Variants in FAM117A observed in about 807,000 individuals in gnomAD.
FAM117A encodes family with sequence similarity 117 member A.
Under a neutral mutation model 44.1 loss-of-function variants are expected in FAM117A, and 21 were observed. The ratio of observed to expected loss-of-function variants is 0.48; its 90% confidence interval spans 0.34 to 0.69. The LOEUF (loss-of-function observed/expected upper bound fraction) is 0.69, where lower values mean the gene tolerates loss of function less well. FAM117A is among the 30% of genes least tolerant of loss of function. The probability of loss-of-function intolerance (pLI) is 0.01; values close to 1 mark genes in which losing one functional copy is unlikely to be tolerated. For synonymous variants in FAM117A, 220 were observed against 238.3 expected (o/e 0.92, Z 0.71); for missense variants, 498 against 589.9 (o/e 0.84, Z 1.61).
rs1194810292 is a variant in FAM117A, at chr17:49,780,988, GC to G, written c.-621+7508del. 5.9e-5 allele frequency among the ~76,000 whole-genome samples: 9 copies of G among 152,218 alleles called. No homozygotes were observed. In the East Asian group the frequency reaches 7.7e-4, roughly 13 times the overall value. On this transcript the variant is annotated intron_variant, in intron 1 of 7. Coordinates refer to the FAM117A transcript ENST00000513602. Reference sequence around the variant, plus strand: ...TGAGATTATAGGTGCCCACCACCATGCCCGGCTAATTTTTGTGCTTTTAGTA... The same window carrying G: ...TGAGATTATAGGTGCCCACCACCATGCCGGCTAATTTTTGTGCTTTTAGTA...
At chr17:49,735,459 C>T (rs1567830324) in intron 1 of FAM117A, among the ~76,000 whole-genome samples, 1 of 152,006 alleles carries the variant, frequency 6.6e-6, no homozygotes, top group Non-Finnish European at 1.5e-5. Flanking sequence ...ATACATTTTG[C>T]CATAGTTGTA....
At chr17:49,711,578 C>A (rs772625696) in intron 7 of FAM117A, 23 bp from the exon 8 acceptor site, 43 of 1,609,146 alleles carry the variant, frequency 2.7e-5, no homozygotes, top group Non-Finnish European at 3.6e-5. Context: ...GAGAGACACA[C>A]AAGACACATA....
chr17:49,716,403 G>A, intron 6 of FAM117A, 88 bp from the exon 7 acceptor site: 1 of 1,193,380 alleles, frequency 8.4e-7, no homozygotes, highest in Non-Finnish European at 1.1e-6. Context: ...AAGTGGCAAG[G>A]CTGGGGACAC....
chr17:49,755,038 C>CA (rs199709334), intron 1 of FAM117A, among the ~76,000 whole-genome samples: 733 of 42,156 alleles, frequency 0.017, 7 homozygotes, highest in South Asian at 0.039. Flanking sequence ...AACTCCGTCT[C>CA]AAAAAAAAAA....
intron 2 of FAM117A, among the ~76,000 whole-genome samples, chr17:49,723,199 A>C (rs1356835694): frequency 6.6e-6 from 1 of 151,760 alleles, no homozygotes; most frequent in Non-Finnish European, 1.5e-5. Context: ...CGCTGCAAAT[A>C]AGCAGGAAGG....
At chr17:49,720,003 G>A in intron 4 of FAM117A, 109 bp from the exon 5 acceptor site, 1 of 1,424,590 alleles carries the variant, frequency 7.0e-7, no homozygotes, top group Non-Finnish European at 9.3e-7. Flanking sequence ...CTGAGTGAAT[G>A]AAGGGTGATT....
intron 1 of FAM117A, among the ~76,000 whole-genome samples, chr17:49,734,331 A>G (rs1321398776): frequency 6.7e-6 from 1 of 149,142 alleles, no homozygotes. Flanking sequence ...AGTGGCTCAC[A>G]CCTGTAATCC....
intron 6 of FAM117A, 44 bp from the exon 7 acceptor site, chr17:49,716,359 G>C: frequency 2.8e-4 from 415 of 1,460,136 alleles, no homozygotes; most frequent in Non-Finnish European, 3.4e-4. Context: ...TGAAGGGAAG[G>C]CCTCCACTTT....
upstream of FAM117A, among the ~76,000 whole-genome samples, chr17:49,768,503 C>T (rs1480758723): frequency 6.6e-6 from 1 of 152,188 alleles, no homozygotes; most frequent in African/African-American, 2.4e-5. Context: ...TTGCTCCCCA[C>T]TCCAAGTTCC....
chr17:49,716,893 T>G (rs2073506849), intron 6 of FAM117A, among the ~76,000 whole-genome samples: 1 of 152,212 alleles, frequency 6.6e-6, no homozygotes, highest in Non-Finnish European at 1.5e-5. Context: ...TGTTTACCCA[T>G]GTGTATTGTT....
At position 49,758,621 on chromosome 17, in the gene FAM117A, CAA is replaced by C. The variant is rs1182238605; in HGVS notation, c.196+5269_196+5270del. Among the ~76,000 whole-genome samples the C allele has an allele frequency of 1.7e-3, 160 of 93,864 alleles. 6 individuals carry two copies. In the East Asian group the frequency reaches 0.036, roughly 21 times the overall value. The allele number at this position is 93,864 out of a possible 152,430, so 61.6% of individuals were successfully genotyped here. On this transcript the variant is annotated intron_variant, in intron 1 of 7. Transcript: ENST00000240364. ...CCTGGGTGACAAAGCGAGACTGTCT[CAA>C]AAAAAAAAAAAAATAAAATAAATAA...
At chr17:49,733,015 T>A in intron 1 of FAM117A, 17 of 298,294 alleles carry the variant, frequency 5.7e-5, no homozygotes, top group Non-Finnish European at 9.0e-5. Context: ...CTATGAACCG[T>A]GAACTCCTAG....
In FAM117A at chr17:49,740,532, A is replaced by T. The variant is rs555256487; in HGVS notation, c.197-7812T>A. On this transcript the variant is annotated intron_variant, in intron 1 of 7. Coordinates refer to ENST00000240364, the MANE Select transcript of FAM117A (RefSeq NM_030802.4). ...CCAAAGTGCTGGGATTACAGGCGTG[A>T]GCCACTGCACCCAGCCTGGTAAGCA... Among the ~76,000 whole-genome samples the T allele has an allele frequency of 3.9e-5, 6 of 152,322 alleles. No individual in the cohort carries two copies. The South Asian group carries it at 1.0e-3, about 26-fold the overall frequency.
At chr17:49,749,872 A>G (rs2073669298) in intron 1 of FAM117A, among the ~76,000 whole-genome samples, 1 of 148,416 alleles carries the variant, frequency 6.7e-6, no homozygotes, top group Non-Finnish European at 1.5e-5. Flanking sequence ...GTGGCCTACT[A>G]TAACGGTCAA....
At chr17:49,780,838 CTTTTCT>C (rs1445814544) in intron 1 of FAM117A, among the ~76,000 whole-genome samples, 1 of 152,052 alleles carries the variant, frequency 6.6e-6, no homozygotes, top group East Asian at 1.9e-4. Flanking sequence ...AACGTTCTGC[CTTTTCT>C]TTTTGAGATG....
intron 1 of FAM117A, among the ~76,000 whole-genome samples, chr17:49,750,166 T>G (rs2073670630): frequency 6.7e-6 from 1 of 148,932 alleles, no homozygotes; most frequent in Non-Finnish European, 1.5e-5. Flanking sequence ...CAGATTCGCC[T>G]ATTAACAGCT....
intron 1 of FAM117A, among the ~76,000 whole-genome samples, chr17:49,776,343 C>A (rs1281454852): frequency 6.6e-6 from 1 of 152,110 alleles, no homozygotes; most frequent in Non-Finnish European, 1.5e-5. Flanking sequence ...AAAGATTGTG[C>A]ACAACCACTA....
At chr17:49,722,653 G>C in intron 2 of FAM117A, 59 bp from the exon 3 acceptor site, 1 of 1,408,750 alleles carries the variant, frequency 7.1e-7, no homozygotes, top group Non-Finnish European at 9.9e-7. Context: ...CTGGGGAACA[G>C]GCACACTGTT....
Position 49,717,723 on chromosome 17 carries a change from G to A in FAM117A, c.709-9C>T, listed in dbSNP as rs749236248. 3 of 1,591,390 alleles carry A rather than the reference G, an allele frequency of 1.9e-6. No homozygotes were observed. The highest frequency in any genetic ancestry group is 2.6e-6 in the Non-Finnish European group (3 of 1,166,584). On this transcript the variant is annotated splice_polypyrimidine_tract_variant and intron_variant, in intron 5 of 7. Coordinates refer to ENST00000240364, the MANE Select transcript of FAM117A (RefSeq NM_030802.4). ...TCAGGGATATCAAGGATCTAACGGG[G>A]AAGGACGGTAAAGACTGTCAGCCCT...
Sources: allele counts gnomAD v4.1 joint callset (sites outside exome capture counted in the v4.1 genomes callset), GRCh38; gene constraint gnomAD v4.1.1; transcripts MANE v1.5; gene names NCBI Gene and HGNC (gene_info 2026-07-23, HGNC 2026-07-21).